Variants in CFAP20DC observed in about 807,000 individuals in gnomAD.
CFAP20DC encodes protein CFAP20DC.
CFAP20DC carries 84 observed loss-of-function variants against 101.7 expected under a neutral mutation model. The ratio of observed to expected loss-of-function variants is 0.83; its 90% CI spans 0.69 to 0.99. CFAP20DC has a LOEUF of 0.99. CFAP20DC is among the 50% of genes least tolerant of loss of function. The pLI is 0.00. For synonymous variants in CFAP20DC, 359 were observed against 351.2 expected, an observed-to-expected ratio of 1.02 and a Z score of -0.25; for missense variants, 1,007 against 970.3, an observed-to-expected ratio of 1.04 and a Z score of -0.50.
intron 4 of CFAP20DC, among the ~76,000 whole-genome samples, chr3:59,037,723 C>T (rs2094129342): frequency 6.6e-6 from 1 of 152,110 alleles, no homozygotes; most frequent in South Asian, 2.1e-4. Context: ...TGTGGCGATT[C>T]CTCAAGAATC....
intron 5 of CFAP20DC, among the ~76,000 whole-genome samples, chr3:58,929,865 G>A (rs1013629392): frequency 6.6e-6 from 1 of 151,920 alleles, no homozygotes; most frequent in Non-Finnish European, 1.5e-5. Flanking sequence ...TGATTGCCAC[G>A]CTCCCTAAAT....
Position 58,863,709 on chromosome 3 carries a change from G to A in CFAP20DC, c.1442C>T (p.Ser481Leu). 6.2e-7 allele frequency: 1 copy of A among 1,614,152 alleles called. No individual in the cohort carries two copies. Among genetic ancestry groups the A allele is most frequent in the Non-Finnish European group, 8.5e-7 (1 of 1,180,044 alleles). Residue 481 changes from serine (S) to leucine (L), a missense_variant, in exon 12 of 17, where the codon TCA becomes TTA. Physicochemically the swap from Ser to Leu is moderately radical, Grantham distance 145. Coordinates refer to ENST00000482387, the MANE Select transcript of CFAP20DC (RefSeq NM_001394063.1). This position sits in a 1 kb window ranked among gnomAD's most constrained non-coding sequence, Gnocchi z 5.9. The stretch of plus-strand genomic sequence containing the variant: ...ATGAGGTGCTGATCGTGGTCTTGAT[G>A]AAAAAGTGAAAATGTCCTTTGGAAC... ...QSVPKDIFTF[S>L]SRPRSAPHGK...
intron 3 of CFAP20DC, among the ~76,000 whole-genome samples, chr3:58,734,901 C>T (rs753235606): frequency 6.6e-5 from 10 of 152,184 alleles, no homozygotes; most frequent in Non-Finnish European, 1.3e-4. Flanking sequence ...GCTCTCCCAT[C>T]ATCTCGTATT....
intron 6 of CFAP20DC, among the ~76,000 whole-genome samples, chr3:58,902,273 T>C (rs1035445965): frequency 1.3e-5 from 2 of 152,248 alleles, no homozygotes; most frequent in Non-Finnish European, 2.9e-5. Context: ...ATGCACTTGT[T>C]TGAATACCTG....
intron 14 of CFAP20DC, among the ~76,000 whole-genome samples, chr3:58,822,464 C>A (rs1345566255): frequency 2.7e-5 from 4 of 150,712 alleles, no homozygotes; most frequent in Non-Finnish European, 4.4e-5. Context: ...GAAGGGATAG[C>A]ATCAGGAGAT....
intron 4 of CFAP20DC, among the ~76,000 whole-genome samples, chr3:58,980,886 T>C (rs914025235): frequency 1.3e-5 from 2 of 152,094 alleles, no homozygotes; most frequent in African/African-American, 2.4e-5. Flanking sequence ...AAATAAAGGG[T>C]ATTCAATTAG....
At chr3:58,736,884 G>C (rs2067768764) in intron 3 of CFAP20DC, among the ~76,000 whole-genome samples, 1 of 152,178 alleles carries the variant, frequency 6.6e-6, no homozygotes, top group African/African-American at 2.4e-5. Flanking sequence ...TGTGGTCCAT[G>C]TTTATTGGTC....
chr3:58,866,853 T>G (rs1171180369), intron 10 of CFAP20DC, among the ~76,000 whole-genome samples, 165 bp from the exon 11 acceptor site: 1 of 152,194 alleles, frequency 6.6e-6, no homozygotes, highest in Non-Finnish European at 1.5e-5. Context: ...GTAGACTGTT[T>G]TAAGCTGCAT....
intron 4 of CFAP20DC, among the ~76,000 whole-genome samples, chr3:59,013,541 T>G (rs2093630920): frequency 6.6e-6 from 1 of 152,182 alleles, no homozygotes; most frequent in African/African-American, 2.4e-5. Context: ...TGGGAGTCAC[T>G]ACAAATTGTT....
intron 13 of CFAP20DC, among the ~76,000 whole-genome samples, chr3:58,847,959 T>A (rs13073691): frequency 1.7e-5 from 2 of 120,682 alleles, no homozygotes; most frequent in East Asian, 2.7e-4. Context: ...TAGGTGGGAA[T>A]TGAACAATGA....
rs537208406 is a variant in CFAP20DC, at chr3:58,880,811, G to A, written c.715+3734C>T. Among the ~76,000 whole-genome samples, 16 of 152,160 alleles carry A rather than the reference G, an allele frequency of 1.1e-4. 1 individual carries two copies. The South Asian group carries it at 3.3e-3, about 32-fold the overall frequency. ...TTATGTTTCACTTTTATTGAAGATA[G>A]GGAAAAAGGATATATGATTCAAACG... On this transcript the variant is annotated intron_variant, in intron 7 of 16. Transcript: ENST00000482387.
chr3:58,949,142 T>A (rs2089754503), intron 4 of CFAP20DC, among the ~76,000 whole-genome samples: 1 of 152,222 alleles, frequency 6.6e-6, no homozygotes, highest in African/African-American at 2.4e-5. Flanking sequence ...GATATCCCCT[T>A]TATCATTTTT....
chr3:58,810,877 T>C (rs1457267412), intron 14 of CFAP20DC, among the ~76,000 whole-genome samples: 2 of 151,736 alleles, frequency 1.3e-5, no homozygotes, highest in Non-Finnish European at 2.9e-5. Context: ...AAAATCAATG[T>C]ACAAAAATCA....
intron 16 of CFAP20DC, among the ~76,000 whole-genome samples, chr3:58,749,671 T>C (rs1364289884): frequency 2.0e-5 from 3 of 152,082 alleles, no homozygotes; most frequent in Non-Finnish European, 4.4e-5. Flanking sequence ...TCAAAATCTA[T>C]GTAAACTACA....
chr3:58,939,690 C>A (rs1308871910), intron 4 of CFAP20DC, among the ~76,000 whole-genome samples: 1 of 151,404 alleles, frequency 6.6e-6, no homozygotes, highest in Non-Finnish European at 1.5e-5. Flanking sequence ...AATCTCCTGA[C>A]CTCGTGATCC....
chr3:58,885,178 T>A (rs1474320943), intron 6 of CFAP20DC, among the ~76,000 whole-genome samples: 1 of 152,138 alleles, frequency 6.6e-6, no homozygotes, highest in African/African-American at 2.4e-5. Context: ...TTTTAGACTT[T>A]TAGAAAAGTT....
chr3:58,861,752 G>A lies in CFAP20DC; in HGVS notation c.1593+1806C>T. 1.0e-6 allele frequency: 1 copy of A among 985,444 alleles called. No homozygotes were observed. The highest frequency in any genetic ancestry group is 1.2e-6 in the Non-Finnish European group (1 of 829,940). 61.0% of individuals were successfully genotyped at this position (985,444 alleles called of 1,614,324 possible). On this transcript the variant is annotated intron_variant, in intron 12 of 16. Coordinates refer to ENST00000482387, the MANE Select transcript of CFAP20DC (RefSeq NM_001394063.1). The surrounding 1 kb of genome is among the most constrained non-coding windows in gnomAD (Gnocchi z 4.0). ...AGGCTCTGATTAAAGGGTGGTGAGT[G>A]CCAGTGTTGGCAATGGGATGGTCTC...
At chr3:58,776,406 T>C (rs1338132915) in intron 15 of CFAP20DC, among the ~76,000 whole-genome samples, 1 of 152,056 alleles carries the variant, frequency 6.6e-6, no homozygotes, top group Non-Finnish European at 1.5e-5. Flanking sequence ...GGTTAACCAC[T>C]GAAGACAACG....
At chr3:58,994,286 C>T (rs2093039315) in intron 4 of CFAP20DC, among the ~76,000 whole-genome samples, 1 of 152,196 alleles carries the variant, frequency 6.6e-6, no homozygotes, top group African/African-American at 2.4e-5. Flanking sequence ...CTGCAGTGCT[C>T]TCATTGCTCA....
Sources: gnomAD v4.1 joint callset for allele counts (sites outside exome capture counted in the v4.1 genomes callset) on GRCh38, gnomAD v4.1.1 for gene constraint, Gnocchi (gnomAD v3.1) non-coding constraint, MANE v1.5 for transcripts, NCBI Gene and HGNC (gene_info 2026-07-23, HGNC 2026-07-21) for gene names.